TMED10: variants seen among roughly 807,000 people sequenced by gnomAD.
TMED10 encodes the protein transmembrane emp24 domain-containing protein 10.
Under a neutral mutation model 23.1 loss-of-function variants are expected in TMED10, and 7 were observed. The ratio of observed to expected loss-of-function variants is 0.30; its 90% CI spans 0.17 to 0.57. TMED10 has a LOEUF of 0.57. TMED10 is among the 20% of genes least tolerant of loss of function. The pLI is 0.91. For synonymous variants in TMED10, 113 were observed against 106.9 expected (o/e 1.06, Z -0.35); for missense variants, 162 against 274.8 (o/e 0.59, Z 2.90).
chr14:75,147,527 A>G, intron 3 of TMED10, 137 bp downstream of exon 3: 1 of 929,138 alleles, frequency 1.1e-6, no homozygotes, highest in Non-Finnish European at 1.7e-6. Context: ...TATCAGTAAG[A>G]TCATGGCTGG....
chr14:75,161,033 G>A (rs1158013003), intron 1 of TMED10, among the ~76,000 whole-genome samples: 1 of 152,068 alleles, frequency 6.6e-6, no homozygotes, highest in Non-Finnish European at 1.5e-5. Context: ...GACAAAGCTA[G>A]ACTCCATCTC....
intron 3 of TMED10, among the ~76,000 whole-genome samples, chr14:75,146,695 A>G (rs1002528351): frequency 2.0e-5 from 3 of 152,096 alleles, no homozygotes; most frequent in African/African-American, 7.2e-5. Context: ...TGTCACCCAA[A>G]TAAGTGTCAG....
chr14:75,173,830 T>C (rs1029038226), intron 1 of TMED10, among the ~76,000 whole-genome samples: 6 of 152,182 alleles, frequency 3.9e-5, no homozygotes, highest in African/African-American at 1.4e-4. Flanking sequence ...TCCCAGGTTC[T>C]AGTGATTCTC....
At chr14:75,137,932 C>A (rs933639045) in intron 3 of TMED10, among the ~76,000 whole-genome samples, 1 of 152,034 alleles carries the variant, frequency 6.6e-6, no homozygotes, top group African/African-American at 2.4e-5. Flanking sequence ...TGGTCTTGAA[C>A]TCCTAACCTC....
At chr14:75,143,360 T>C (rs774842928) in intron 3 of TMED10, among the ~76,000 whole-genome samples, 3 of 152,188 alleles carry the variant, frequency 2.0e-5, no homozygotes, top group Non-Finnish European at 4.4e-5. Context: ...ATAATGAAGA[T>C]TTGAATCTAA....
chr14:75,140,034 C>T (rs938929643), intron 3 of TMED10, among the ~76,000 whole-genome samples: 1 of 152,194 alleles, frequency 6.6e-6, no homozygotes, highest in Non-Finnish European at 1.5e-5. Context: ...GTAATTCCGC[C>T]TTCCTCCATG....
At chr14:75,149,790 G>A (rs1049503314) in intron 2 of TMED10, among the ~76,000 whole-genome samples, 1 of 152,118 alleles carries the variant, frequency 6.6e-6, no homozygotes, top group Non-Finnish European at 1.5e-5. Flanking sequence ...TCGGAGTATG[G>A]CATGCTTGAA....
At position 75,135,834 on chromosome 14, in the gene TMED10, T is replaced by C. The variant is rs765331830; in HGVS notation, c.464A>G (p.Glu155Gly). 3 of 1,614,192 alleles carry C rather than the reference T, an allele frequency of 1.9e-6. No individual in the cohort carries two copies. The highest frequency in any genetic ancestry group is 4.5e-5 in the East Asian group (2 of 44,878). Reference protein sequence around the residue: ...KPLEVELRRLEDLSESIVNDF... With the variant: ...KPLEVELRRLGDLSESIVNDF... ...ATTAACAATAGATTCTGAAAGGTCT[T>C]CTAGGCGTCGCAGCTCTACCTCTAA... The change falls in exon 4 of 5, where the codon GAA (glutamate) becomes GGA (glycine). Residue 155 changes from glutamate to glycine, a missense_variant. Glu to Gly is a moderately conservative substitution (Grantham distance 98). Transcript: ENST00000303575.
intron 2 of TMED10, 49 bp from the exon 3 acceptor site, chr14:75,147,786 G>A: frequency 6.3e-7 from 1 of 1,591,520 alleles, no homozygotes. Context: ...TAAAATTCTG[G>A]GAAATTACCC....
intron 4 of TMED10, among the ~76,000 whole-genome samples, chr14:75,135,390 A>C (rs967682242): frequency 6.6e-6 from 1 of 152,184 alleles, no homozygotes; most frequent in African/African-American, 2.4e-5. Flanking sequence ...CAGTGAGCCG[A>C]GATCGCACCA....
chr14:75,140,855 G>A (rs1164815007), intron 3 of TMED10, among the ~76,000 whole-genome samples: 12 of 151,976 alleles, frequency 7.9e-5, no homozygotes, highest in Admixed American at 7.9e-4. Flanking sequence ...AGACCAGGCT[G>A]GGCAACACAG....
chr14:75,135,709 A>G (rs1241173344), intron 4 of TMED10, 51 bp downstream of exon 4: 1 of 1,594,724 alleles, frequency 6.3e-7, no homozygotes, highest in Non-Finnish European at 8.5e-7. Context: ...AAGTTTGGAG[A>G]CTGTCTCATT....
chr14:75,161,610 G>C (rs1896086097), intron 1 of TMED10, among the ~76,000 whole-genome samples: 1 of 152,110 alleles, frequency 6.6e-6, no homozygotes, highest in South Asian at 2.1e-4. Context: ...AAAGATACAA[G>C]TACAGTTCAA....
At chr14:75,140,145 A>G (rs1209785682) in intron 3 of TMED10, among the ~76,000 whole-genome samples, 1 of 152,108 alleles carries the variant, frequency 6.6e-6, no homozygotes, top group African/African-American at 2.4e-5. Context: ...CTCCAGAACT[A>G]TGAGAAATAA....
intron 2 of TMED10, 118 bp from the exon 3 acceptor site, chr14:75,147,855 C>T (rs1323755165): frequency 1.1e-6 from 1 of 883,206 alleles, no homozygotes. Flanking sequence ...GGGAAACAGC[C>T]ACAACTCCTC....
At chr14:75,143,211 A>C (rs748274310) in intron 3 of TMED10, among the ~76,000 whole-genome samples, 63 of 152,242 alleles carry the variant, frequency 4.1e-4, no homozygotes, top group Middle Eastern at 3.4e-3. Flanking sequence ...CTCTACCACC[A>C]TATCTATTAA....
intron 1 of TMED10, among the ~76,000 whole-genome samples, chr14:75,160,489 T>C (rs1896072983): frequency 6.6e-6 from 1 of 152,224 alleles, no homozygotes; most frequent in Non-Finnish European, 1.5e-5. Flanking sequence ...AGGTTTTTTT[T>C]TTCTTCTTAA....
chr14:75,175,750 GA>G (rs1004486680), intron 1 of TMED10, among the ~76,000 whole-genome samples: 41 of 137,484 alleles, frequency 3.0e-4, no homozygotes, highest in East Asian at 1.0e-3. Context: ...TAATAATTTT[GA>G]AAAAAAAAAA....
intron 1 of TMED10, among the ~76,000 whole-genome samples, chr14:75,156,432 T>C (rs1896019529): frequency 6.6e-6 from 1 of 151,930 alleles, no homozygotes; most frequent in Admixed American, 6.6e-5. Context: ...AAAAAGTAAA[T>C]GCCCACAGAG....
Sources: allele counts gnomAD v4.1 joint callset (sites outside exome capture counted in the v4.1 genomes callset), GRCh38; gene constraint gnomAD v4.1.1; transcripts MANE v1.5; gene names NCBI Gene and HGNC (gene_info 2026-07-23, HGNC 2026-07-21).